The following RGL3 variants were observed in gnomAD, a reference collection of about 807,000 sequenced individuals.
RGL3 encodes ral guanine nucleotide dissociation stimulator like 3, also known as ral guanine nucleotide dissociation stimulator-like 3.
RGL3 carries 85 observed loss-of-function variants against 90.6 expected under a neutral mutation model. The observed-to-expected ratio is 0.94, with a 90% CI of 0.79 to 1.12. RGL3 has a LOEUF of 1.12. Among genes scored for constraint, RGL3 ranks in the 50% most tolerant of loss-of-function variants. The pLI, the probability that RGL3 is intolerant of heterozygous loss-of-function variation, is 0.00. For missense variants in RGL3, 1,034 were observed against 939.2 expected (o/e 1.10, Z -1.32); for synonymous variants, 408 against 385.5 (o/e 1.06, Z -0.68).
chr19:11,397,272 C>G lies in RGL3; in HGVS notation c.1986G>C (p.Gln662His). The G allele has an allele frequency of 6.2e-7, 1 of 1,613,978 alleles. No individual in the cohort carries two copies. The highest frequency in any genetic ancestry group is 8.5e-7 in the Non-Finnish European group (1 of 1,179,988). ...NVPQPWACDY[Q>H]LFQVLPGDRV... is the part of the protein sequence containing the mutation. Reference sequence around the variant, plus strand: ...GGTCCCCAGGAAGGACTTGAAAGAGCTGATAGTCACAGGCCCAGGGCTGGG... The same window carrying G: ...GGTCCCCAGGAAGGACTTGAAAGAGGTGATAGTCACAGGCCCAGGGCTGGG... The change falls in exon 18 of 19, where the codon CAG becomes CAC. Residue 662 changes from glutamine (Q) to histidine (H), a missense_variant. By Grantham distance (24) the Gln-to-His change is conservative (BLOSUM62 0). Coordinates refer to ENST00000380456, the MANE Select transcript of RGL3 (RefSeq NM_001035223.4).
chr19:11,415,146 A>C (rs1288298079), intron 5 of RGL3, among the ~76,000 whole-genome samples: 7 of 151,718 alleles, frequency 4.6e-5, no homozygotes, highest in Admixed American at 6.6e-5. Flanking sequence ...AAAATAGATA[A>C]AAAAATAAAA....
chr19:11,406,964 A>C, intron 5 of RGL3, 100 bp from the exon 6 acceptor site: 2 of 1,232,412 alleles, frequency 1.6e-6, no homozygotes, highest in Non-Finnish European at 2.2e-6. Context: ...CACTTTCCTC[A>C]TTTGTAAAAC....
intron 13 of RGL3, among the ~76,000 whole-genome samples, chr19:11,400,896 TA>T (rs1968664576): frequency 7.4e-6 from 1 of 134,750 alleles, no homozygotes; most frequent in South Asian, 2.3e-4. Flanking sequence ...AATAAATAAA[TA>T]AATAAAATAA....
In RGL3 at chr19:11,399,874, G is replaced by T; in HGVS notation, c.1727C>A (p.Pro576His). 6.6e-7 allele frequency: 1 copy of T among 1,503,788 alleles called. No homozygotes were observed. 93.2% of individuals were successfully genotyped at this position (1,503,788 alleles called of 1,614,324 possible). A position where few individuals can be genotyped will look rare whatever the true frequency, so the allele number is the denominator to read the frequency against. Residue 576 changes from proline to histidine, a missense_variant, in exon 16 of 19, where the codon CCC becomes CAC. Transcript: ENST00000380456. ...PAGSPPASPG[P>H]QGPSTKLPLS... ...TGGTACCTTGGTGCTGGGGCCCTGG[G>T]GCCCTGGAGAGGCCGGGGGACTGCC... is the stretch of plus-strand genomic sequence containing the variant.
intron 9 of RGL3, 138 bp from the exon 10 acceptor site, chr19:11,402,844 A>C (rs1788418365): frequency 2.8e-6 from 2 of 716,188 alleles, no homozygotes; most frequent in Non-Finnish European, 2.3e-6. Context: ...GCGATGGCTC[A>C]CGCCTGTAAT....
At position 11,413,491 on chromosome 19, in the gene RGL3, C is replaced by T. The variant is rs541454137; in HGVS notation, c.637+2446G>A. Among the ~76,000 whole-genome samples, 11 of 141,754 alleles carry T rather than the reference C, an allele frequency of 7.8e-5. No individual in the cohort carries two copies. The East Asian group carries it at 8.9e-4, about 11-fold the overall frequency. The allele number at this position is 141,754 out of a possible 152,430, so 93.0% of individuals were successfully genotyped here. A position where few individuals can be genotyped will look rare whatever the true frequency, so the allele number is the denominator to read the frequency against. ...AGGAGGTTGCAGTGTGCCGAGATGGCGCCACTGCACTCCAGCCTGGGTGAC... is the reference window on the plus strand; with the variant it reads ...AGGAGGTTGCAGTGTGCCGAGATGGTGCCACTGCACTCCAGCCTGGGTGAC... On this transcript the variant is annotated intron_variant, in intron 5 of 18. Coordinates refer to ENST00000380456, the MANE Select transcript of RGL3 (RefSeq NM_001035223.4).
rs759679310 is a variant in RGL3, at chr19:11,397,251, C to G, written c.2007G>C (p.Gly669=). ...CAACCCATCCCTGCTCACCCCGGTC[C>G]CCAGGAAGGACTTGAAAGAGCTGAT... ...CDYQLFQVLP[G]DRVLLIPDNA... Residue 669 remains glycine, a synonymous_variant, in exon 18 of 19, where the codon GGG becomes GGC. Coordinates refer to ENST00000380456, the MANE Select transcript of RGL3 (RefSeq NM_001035223.4). 2 of 1,613,800 alleles carry G rather than the reference C, an allele frequency of 1.2e-6. No homozygotes were observed. Among genetic ancestry groups the G allele is most frequent in the Non-Finnish European group, 1.7e-6 (2 of 1,179,846 alleles).
rs947273643 is a variant in RGL3, at chr19:11,405,383, A to G, written c.1040T>C (p.Leu347Pro). ...LRNFSSLRAILSALQSNPIYR... is the reference protein window; with the variant it reads ...LRNFSSLRAIPSALQSNPIYR... ...GATGGGGTTAGATTGCAGGGCGGACAGGATGGCGCGCAAGGAGGAGAAGTT... is the reference window on the plus strand; with the variant it reads ...GATGGGGTTAGATTGCAGGGCGGACGGGATGGCGCGCAAGGAGGAGAAGTT... Residue 347 changes from leucine to proline, a missense_variant, in exon 8 of 19, where the codon CTG becomes CCG. Coordinates refer to ENST00000380456, the MANE Select transcript of RGL3 (RefSeq NM_001035223.4). The G allele has an allele frequency of 3.7e-6, 6 of 1,608,018 alleles. No individual in the cohort carries two copies. The highest frequency in any genetic ancestry group is 5.1e-6 in the Non-Finnish European group (6 of 1,177,640).
intron 5 of RGL3, chr19:11,408,850 C>T (rs575551335): frequency 6.6e-6 from 1 of 152,206 alleles, no homozygotes; most frequent in South Asian, 2.1e-4. Context: ...CTCTTTCCCC[C>T]CTTCTCACTA....
intron 16 of RGL3, among the ~76,000 whole-genome samples, chr19:11,399,653 C>A (rs1212838523): frequency 6.6e-6 from 1 of 152,134 alleles, no homozygotes; most frequent in Non-Finnish European, 1.5e-5. Context: ...GAGCACGAGT[C>A]GGATTTATGA....
intron 1 of RGL3, 21 bp downstream of exon 1, chr19:11,419,225 G>A (rs1398665675): frequency 1.0e-5 from 16 of 1,586,412 alleles, no homozygotes; most frequent in Non-Finnish European, 1.4e-5. Context: ...TGCGGGGTCC[G>A]GGGATCCCTT....
At chr19:11,408,456 C>T (rs960106290) in intron 5 of RGL3, among the ~76,000 whole-genome samples, 1 of 152,052 alleles carries the variant, frequency 6.6e-6, no homozygotes, top group Non-Finnish European at 1.5e-5. Context: ...CGTGATGGCA[C>T]GCGCCTGTAA....
At position 11,419,301 on chromosome 19, in the gene RGL3, T is replaced by G; in HGVS notation, c.-23A>C. 1 of 1,366,934 alleles carries G rather than the reference T, an allele frequency of 7.3e-7. No individual in the cohort carries two copies. The highest frequency in any genetic ancestry group is 9.7e-7 in the Non-Finnish European group (1 of 1,033,314). 84.7% of individuals were successfully genotyped at this position (1,366,934 alleles called of 1,614,324 possible). A position where few individuals can be genotyped will look rare whatever the true frequency, so the allele number is the denominator to read the frequency against. ...CATGGCCGGCGCCCGTCCCTCTCAG[T>G]GGCGCCGCTGAGTGAGGCGGAAGGG... On this transcript the variant is annotated 5_prime_UTR_variant, in exon 1 of 19. Transcript: ENST00000380456.
rs767348306 is a variant in RGL3 at position 11,416,044 on chromosome 19, C to T, written c.530G>A (p.Trp177Ter). 6 of 1,613,774 alleles carry T rather than the reference C, an allele frequency of 3.7e-6. No homozygotes were observed. The highest frequency in any genetic ancestry group is 5.1e-6 in the Non-Finnish European group (6 of 1,179,964). The change falls in exon 5 of 19, where the codon TGG becomes TAG. Residue 177 changes from tryptophan to a stop codon, truncating the protein, a stop_gained. Coordinates refer to ENST00000380456, the MANE Select transcript of RGL3 (RefSeq NM_001035223.4). LOFTEE classifies it high-confidence loss of function. ...AGCCTCAGCACTCCCTGGGGCCGCCCAGCCCAGAAAGGTTCGGACACTGCC... is the reference window on the plus strand; with the variant it reads ...AGCCTCAGCACTCCCTGGGGCCGCCTAGCCCAGAAAGGTTCGGACACTGCC... ...DLGSVRTFLG[W>*]AAPGSAEAQK...
intron 11 of RGL3, 46 bp from the exon 12 acceptor site, chr19:11,402,293 C>T (rs763512843): frequency 7.0e-7 from 1 of 1,422,792 alleles, no homozygotes; most frequent in South Asian, 1.2e-5. Context: ...GGTCAAGGGT[C>T]AAGGGTCAAG....
intron 13 of RGL3, 26 bp from the exon 14 acceptor site, chr19:11,400,323 T>C: frequency 7.2e-6 from 11 of 1,528,868 alleles, no homozygotes; most frequent in Non-Finnish European, 9.7e-6. Flanking sequence ...GTGGATGAGG[T>C]GGTGGGGGCA....
intron 13 of RGL3, among the ~76,000 whole-genome samples, chr19:11,400,952 T>G (rs890573632): frequency 1.3e-4 from 20 of 151,968 alleles, no homozygotes; most frequent in South Asian, 2.1e-4. Context: ...GGTCAATGGT[T>G]AGGGTCACAG....
intron 5 of RGL3, among the ~76,000 whole-genome samples, chr19:11,409,202 C>T (rs1253178164): frequency 3.3e-5 from 5 of 151,078 alleles, no homozygotes; most frequent in Admixed American, 6.6e-5. Context: ...AAAAGAAGGC[C>T]GGGGGCAGTG....
chr19:11,406,546 G>C lies in RGL3; in HGVS notation c.869C>G (p.Thr290Ser), dbSNP rs1236283178. 4 of 1,550,142 alleles carry C rather than the reference G, an allele frequency of 2.6e-6. No homozygotes were observed. The South Asian group carries it at 3.6e-5, about 14-fold the overall frequency. The change falls in exon 7 of 19, where the codon ACT becomes AGT. Residue 290 changes from threonine to serine, a missense_variant. Physicochemically the swap from Thr to Ser is moderately conservative, Grantham distance 58. Coordinates refer to ENST00000380456, the MANE Select transcript of RGL3 (RefSeq NM_001035223.4). ...GAACTGGGCCACGGTGGCGCGCACA[G>C]TGGGGGAGGCGCCTGCAGCCCCCGG... is the stretch of plus-strand genomic sequence containing the variant. The part of the protein sequence containing the change: ...DRPGAAGASP[T>S]VRATVAQFNT...
Sources: gnomAD v4.1 joint callset for allele counts (sites outside exome capture counted in the v4.1 genomes callset) on GRCh38, gnomAD v4.1.1 for gene constraint, MANE v1.5 for transcripts, NCBI Gene and HGNC (gene_info 2026-07-23, HGNC 2026-07-21) for gene names.